Variants in PHB2 observed in about 807,000 individuals in gnomAD.
PHB2 encodes prohibitin 2.
Under a neutral mutation model 46.4 loss-of-function variants are expected in PHB2, and 22 were observed. The observed-to-expected ratio is 0.47, with a 90% CI of 0.34 to 0.68. The LOEUF is 0.68. Ranked by LOEUF, PHB2 falls within the 30% of genes least tolerant of loss-of-function variation. The pLI, the probability that PHB2 is intolerant of heterozygous loss-of-function variation, is 0.01. For synonymous variants in PHB2, 156 were observed against 150.5 expected, an observed-to-expected ratio of 1.04 and a Z score of -0.27; for missense variants, 305 against 382.8, an observed-to-expected ratio of 0.80 and a Z score of 1.70.
At chr12:6,968,909 G>C (rs143518183) in intron 3 of PHB2, among the ~76,000 whole-genome samples, 14 of 152,216 alleles carry the variant, frequency 9.2e-5, no homozygotes, top group African/African-American at 3.4e-4. Flanking sequence ...GTAAGGACTT[G>C]GGGGACAAGA....
At chr12:6,969,359 G>A (rs782214091) in intron 3 of PHB2, 139 bp downstream of exon 3, 1 of 516,586 alleles carries the variant, frequency 1.9e-6, no homozygotes, top group African/African-American at 1.9e-5. Flanking sequence ...TTGACCCCAG[G>A]AGGCAGGTAT....
rs1946279846 is a variant in PHB2, at chr12:6,969,524, T to C, written c.266A>G (p.Lys89Arg). Residue 89 changes from lysine (K) to arginine (R), a missense_variant, in exon 3 of 10, where the codon AAA becomes AGA. Lys to Arg is a conservative substitution (Grantham distance 26). Transcript: ENST00000535923. ...TTTGGAGCCTGTAGGGGAGGAGATT[T>C]TTCGAGGTCTGGCCCGAATGTCATA... Reference protein sequence around the residue: ...IIYDIRARPRKISSPTGSKDL... With the variant: ...IIYDIRARPRRISSPTGSKDL... The C allele has an allele frequency of 6.2e-7, 1 of 1,608,802 alleles. No homozygotes were observed. The highest frequency in any genetic ancestry group is 1.1e-5 in the South Asian group (1 of 90,598).
rs1792832526 is a variant in PHB2, at chr12:6,967,964, G to C, written c.535C>G (p.Leu179Val). The C allele has an allele frequency of 1.2e-6, 2 of 1,613,264 alleles. No individual in the cohort carries two copies. Among genetic ancestry groups the C allele is most frequent in the Admixed American group, 3.3e-5 (2 of 59,982 alleles). The change falls in exon 5 of 10, where the codon CTG (leucine) becomes GTG (valine). Residue 179 changes from leucine to valine, a missense_variant. This residue lies in a region of PHB2 where 241 missense variants were observed against 302.7 expected (regional missense o/e 0.80). Transcript: ENST00000535923. The surrounding 1 kb of genome is among the most constrained non-coding windows in gnomAD (Gnocchi z 4.9). ...TERAKDFSLILDDVAITELSF... is the reference protein window; with the variant it reads ...TERAKDFSLIVDDVAITELSF... ...AGCTCTGTGATGGCCACATCATCCAGGATGAGGCTGAAGTCCTTGGCCCTC... is the reference window on the plus strand; with the variant it reads ...AGCTCTGTGATGGCCACATCATCCACGATGAGGCTGAAGTCCTTGGCCCTC...
chr12:6,970,686 C>T (rs781821666), upstream of PHB2: 5 of 1,035,280 alleles, frequency 4.8e-6, no homozygotes, highest in East Asian at 1.0e-4. Context: ...GAAGTGCGCT[C>T]CCTTTGAAAC....
Position 6,967,742 on chromosome 12 carries a change from T to A in PHB2, c.645A>T (p.Glu215Asp), listed in dbSNP as rs781863713. The change falls in exon 6 of 10, where the codon GAA becomes GAT. Residue 215 changes from glutamate (E) to aspartate (D), a missense_variant. Glu to Asp is a conservative substitution (Grantham distance 45). This residue lies in a region of PHB2 where 241 missense variants were observed against 302.7 expected (regional missense o/e 0.80). Coordinates refer to ENST00000535923, the MANE Select transcript of PHB2 (RefSeq NM_001144831.2). This position sits in a 1 kb window ranked among gnomAD's most constrained non-coding sequence, Gnocchi z 4.9. ...TCTGCCGCTGTTCCTGCTTTGCTTT[T>A]TCTACCAAGAATTGGGCCCGCTGGG... ...QEAQRAQFLV[E>D]KAKQEQRQKI... 33 of 1,613,876 alleles carry A rather than the reference T, an allele frequency of 2.0e-5. No homozygotes were observed. Among genetic ancestry groups the A allele is most frequent in the Non-Finnish European group, 2.8e-5 (33 of 1,179,888 alleles).
At chr12:6,968,702 C>T (rs1555151364) in intron 3 of PHB2, 107 bp from the exon 4 acceptor site, 3 of 875,008 alleles carry the variant, frequency 3.4e-6, no homozygotes, top group East Asian at 2.6e-5. Context: ...TACAGCCTGG[C>T]ACTACCCTGG....
chr12:6,970,301 A>G, intron 1 of PHB2, 21 bp from the exon 2 acceptor site: 1 of 1,611,504 alleles, frequency 6.2e-7, no homozygotes, highest in Non-Finnish European at 8.5e-7. Context: ...ATGGGTGGTG[A>G]TCAGGCCAGG....
Position 6,969,494 on chromosome 12 carries a change from C to T in PHB2, c.292+4G>A, listed in dbSNP as rs1409265845. ...CCATGTGATTACCAAGTGCTCAGAC[C>T]TACCTTTGGAGCCTGTAGGGGAGGA... On this transcript the variant is annotated splice_donor_region_variant and intron_variant, in intron 3 of 9. Transcript: ENST00000535923. 6.4e-7 allele frequency: 1 copy of T among 1,569,372 alleles called. No homozygotes were observed. Among genetic ancestry groups the T allele is most frequent in the East Asian group, 2.3e-5 (1 of 44,370 alleles).
chr12:6,970,605 G>T lies in PHB2; in HGVS notation c.-62C>A, dbSNP rs782457762. ...GGGGGTGCCGGCCCGCCTCTACCCC[G>T]CTCCGGCTTAGGTACTGCACCCTTC... is the stretch of plus-strand genomic sequence containing the variant. On this transcript the variant is annotated 5_prime_UTR_variant, in exon 1 of 10. Transcript: ENST00000535923. 1,478 of 1,542,368 alleles carry T rather than the reference G, an allele frequency of 9.6e-4. 2 individuals carry two copies. Among genetic ancestry groups the T allele is most frequent in the Non-Finnish European group, 1.2e-3 (1,422 of 1,148,092 alleles).
intron 7 of PHB2, among the ~76,000 whole-genome samples, chr12:6,966,968 C>T (rs1459001824): frequency 4.6e-5 from 7 of 152,166 alleles, no homozygotes; most frequent in African/African-American, 1.4e-4. Flanking sequence ...AGGCTGGTCT[C>T]GAACTCCTGA....
intron 8 of PHB2, 86 bp from the exon 9 acceptor site, chr12:6,966,002 G>T: frequency 1.4e-6 from 2 of 1,407,258 alleles, no homozygotes; most frequent in African/African-American, 2.8e-5. Flanking sequence ...ACTCAGCTTT[G>T]AACCCTCCTT....
Position 6,965,507 on chromosome 12 carries a change from C to G in PHB2, c.*178G>C. The G allele has an allele frequency of 1.5e-6, 1 of 649,674 alleles. No individual in the cohort carries two copies. 40.2% of individuals were successfully genotyped at this position (649,674 alleles called of 1,614,324 possible). On this transcript the variant is annotated 3_prime_UTR_variant, in exon 10 of 10. Transcript: ENST00000535923. ...ACACAGGGAGGAGGAAAGTAATTCCCCAGAAAAGGGGCTAGTCTTCAGTCT... is the reference window on the plus strand; with the variant it reads ...ACACAGGGAGGAGGAAAGTAATTCCGCAGAAAAGGGGCTAGTCTTCAGTCT...
chr12:6,969,507 C>A lies in PHB2; in HGVS notation c.283G>T (p.Gly95Cys). The change falls in exon 3 of 10, where the codon GGC becomes TGC. Residue 95 changes from glycine (G) to cysteine (C), a missense_variant. By Grantham distance (159) the Gly-to-Cys change is radical. This residue lies in a region of PHB2 where 241 missense variants were observed against 302.7 expected (regional missense o/e 0.80). Coordinates refer to ENST00000535923, the MANE Select transcript of PHB2 (RefSeq NM_001144831.2). ...ARPRKISSPT[G>C]SKDLQMVNIS... ...AAGTGCTCAGACCTACCTTTGGAGC[C>A]TGTAGGGGAGGAGATTTTTCGAGGT... The A allele has an allele frequency of 1.9e-6, 3 of 1,596,270 alleles. No individual in the cohort carries two copies. Among genetic ancestry groups the A allele is most frequent in the Non-Finnish European group, 2.6e-6 (3 of 1,164,870 alleles).
At position 6,967,487 on chromosome 12, in the gene PHB2, G is replaced by T; in HGVS notation, c.711+189C>A. On this transcript the variant is annotated intron_variant, in intron 6 of 9. Transcript: ENST00000535923. The surrounding 1 kb of genome is among the most constrained non-coding windows in gnomAD (Gnocchi z 4.9). ...ATGCTATTGATCTGGCCTTACAGTG[G>T]GGAGTCATGGCTCAGGTACTACCAC... The T allele has an allele frequency of 1.0e-6, 1 of 954,368 alleles. No homozygotes were observed. 59.1% of individuals were successfully genotyped at this position (954,368 alleles called of 1,614,324 possible).
intron 2 of PHB2, 64 bp downstream of exon 2, chr12:6,970,132 T>C (rs28362621): frequency 1.2e-5 from 14 of 1,178,216 alleles, no homozygotes; most frequent in South Asian, 3.6e-5. Context: ...CGTCCGACTA[T>C]AGCCACTGCT....
Position 6,965,728 on chromosome 12 carries a change from G to A in PHB2, c.873-16C>T, listed in dbSNP as rs782398427. 3.1e-6 allele frequency: 5 copies of A among 1,607,486 alleles called. No individual in the cohort carries two copies. Among genetic ancestry groups the A allele is most frequent in the South Asian group, 2.2e-5 (2 of 90,670 alleles). Reference sequence around the variant, plus strand: ...GAGGCTGTCACTGTAGGAAAAAAAAGATAGATAATGACATTATTAGGGGAC... The same window carrying A: ...GAGGCTGTCACTGTAGGAAAAAAAAAATAGATAATGACATTATTAGGGGAC... On this transcript the variant is annotated splice_polypyrimidine_tract_variant and intron_variant, in intron 9 of 9. Coordinates refer to ENST00000535923, the MANE Select transcript of PHB2 (RefSeq NM_001144831.2).
Position 6,965,345 on chromosome 12 carries a change from C to G in PHB2, c.*340G>C. ...TTACCCAGTTCATGAACACGTGAAG[C>G]CTTGACTTCAGGTTAAGTAATAAAA... On this transcript the variant is annotated 3_prime_UTR_variant, in exon 10 of 10. Coordinates refer to ENST00000535923, the MANE Select transcript of PHB2 (RefSeq NM_001144831.2). The G allele has an allele frequency of 2.7e-6, 1 of 377,318 alleles. No homozygotes were observed. The highest frequency in any genetic ancestry group is 5.1e-6 in the Non-Finnish European group (1 of 197,686). The allele number at this position is 377,318 out of a possible 1,614,324, so 23.4% of individuals were successfully genotyped here. A position where few individuals can be genotyped will look rare whatever the true frequency, so the allele number is the denominator to read the frequency against.
Position 6,965,424 on chromosome 12 carries a change from G to A in PHB2, c.*261C>T, listed in dbSNP as rs1946195298. The A allele has an allele frequency of 1.8e-6, 1 of 558,622 alleles. No individual in the cohort carries two copies. The highest frequency in any genetic ancestry group is 3.2e-6 in the Non-Finnish European group (1 of 310,624). 34.6% of individuals were successfully genotyped at this position (558,622 alleles called of 1,614,324 possible). ...TATCTCCTCCCAGCCTTGAGGGAGG[G>A]AACAACACTGTAGGAAATCACTGAG... is the stretch of plus-strand genomic sequence containing the variant. On this transcript the variant is annotated 3_prime_UTR_variant, in exon 10 of 10. Coordinates refer to ENST00000535923, the MANE Select transcript of PHB2 (RefSeq NM_001144831.2).
Position 6,965,608 on chromosome 12 carries a change from T to A in PHB2, c.*77A>T. The A allele has an allele frequency of 8.3e-7, 1 of 1,211,038 alleles. No homozygotes were observed. Among genetic ancestry groups the A allele is most frequent in the Non-Finnish European group, 1.2e-6 (1 of 825,812 alleles). 75.0% of individuals were successfully genotyped at this position (1,211,038 alleles called of 1,614,324 possible). A position where few individuals can be genotyped will look rare whatever the true frequency, so the allele number is the denominator to read the frequency against. On this transcript the variant is annotated 3_prime_UTR_variant, in exon 10 of 10. Coordinates refer to ENST00000535923, the MANE Select transcript of PHB2 (RefSeq NM_001144831.2). ...ATACTGGGGCGGGGTAGGGCTGTGC[T>A]GGACCCCTGGCTGGCTCCTCAAAAA...
Sources: allele counts gnomAD v4.1 joint callset (sites outside exome capture counted in the v4.1 genomes callset), GRCh38; gene constraint gnomAD v4.1.1; regional missense constraint gnomAD v4.1.1; non-coding constraint Gnocchi (gnomAD v3.1); transcripts MANE v1.5; gene names NCBI Gene and HGNC (gene_info 2026-07-23, HGNC 2026-07-21).